Variants in SPAG5 observed in about 807,000 individuals in gnomAD.
SPAG5 encodes sperm associated antigen 5, also known as sperm-associated antigen 5.
A neutral mutation model predicts 145.4 loss-of-function variants in SPAG5; 99 were observed. The ratio of observed to expected loss-of-function variants is 0.68; its 90% CI spans 0.58 to 0.80. The LOEUF is 0.80. Among genes scored for constraint, SPAG5 ranks in the 30% least tolerant of loss-of-function variants. SPAG5 has a pLI of 0.00. For synonymous variants in SPAG5, 477 were observed against 525.4 expected (o/e 0.91, Z 1.26); for missense variants, 1,192 against 1,416.0 (o/e 0.84, Z 2.54).
Position 28,591,831 on chromosome 17 carries a change from T to C in SPAG5, c.1304A>G (p.Glu435Gly). ...DLTALSRHDL[E>G]DNLLSSLVIL... ...GACAAGAGAGCTCAGCAGGTTATCT[T>C]CCAAGTCATGTCGAGACAAGGCAGT... Residue 435 changes from glutamate to glycine, a missense_variant, in exon 4 of 24, where the codon GAA becomes GGA. By Grantham distance (98) the Glu-to-Gly change is moderately conservative (BLOSUM62 -2). Around this residue, in one of 5 missense-constraint regions of SPAG5, gnomAD observed 125 missense variants for 143.8 expected, o/e 0.87. Transcript: ENST00000321765. 6.2e-7 allele frequency: 1 copy of C among 1,614,008 alleles called. No individual in the cohort carries two copies. Among genetic ancestry groups the C allele is most frequent in the Non-Finnish European group, 8.5e-7 (1 of 1,180,008 alleles).
chr17:28,592,998 A>C lies in SPAG5; in HGVS notation c.246T>G (p.His82Gln). The C allele has an allele frequency of 6.2e-7, 1 of 1,614,174 alleles. No individual in the cohort carries two copies. Residue 82 changes from histidine (H) to glutamine (Q), a missense_variant, in exon 3 of 24, where the codon CAT becomes CAG. Physicochemically the swap from His to Gln is conservative, Grantham distance 24 (BLOSUM62 0). Transcript: ENST00000321765. ...NNKRTDLSSE[H>Q]FSHSSKWLET... Reference sequence around the variant, plus strand: ...CTAGCCACTTTGAGGAATGACTGAAATGTTCTGAAGATAAGTCTGTCCTCT... The same window carrying C: ...CTAGCCACTTTGAGGAATGACTGAACTGTTCTGAAGATAAGTCTGTCCTCT...
At chr17:28,578,935 G>A (rs1035285572) in intron 19 of SPAG5, among the ~76,000 whole-genome samples, 183 bp from the exon 20 acceptor site, 1 of 152,192 alleles carries the variant, frequency 6.6e-6, no homozygotes, top group Non-Finnish European at 1.5e-5. Flanking sequence ...AGCTCTGCTA[G>A]AGTTCCTGAC....
intron 15 of SPAG5, 45 bp downstream of exon 15, chr17:28,583,466 T>C (rs1395255519): frequency 2.6e-6 from 4 of 1,520,014 alleles, no homozygotes; most frequent in Non-Finnish European, 3.5e-6. Context: ...ATCTGTAAAA[T>C]AAAGATACAA....
intron 4 of SPAG5, among the ~76,000 whole-genome samples, chr17:28,588,831 A>C (rs2070602230): frequency 6.6e-6 from 1 of 151,404 alleles, no homozygotes; most frequent in Non-Finnish European, 1.5e-5. Flanking sequence ...ACAGGAGTGC[A>C]CTACCATACC....
At chr17:28,594,473 T>C (rs2070646079) in intron 2 of SPAG5, among the ~76,000 whole-genome samples, 1 of 152,128 alleles carries the variant, frequency 6.6e-6, no homozygotes, top group Non-Finnish European at 1.5e-5. Context: ...CGGGCACCTG[T>C]AGTCCCAGCT....
At chr17:28,579,579 C>A in intron 17 of SPAG5, 94 bp from the exon 18 acceptor site, 1 of 1,463,814 alleles carries the variant, frequency 6.8e-7, no homozygotes, top group Non-Finnish European at 9.4e-7. Context: ...TCCGTGTTCC[C>A]CACCCACAGG....
intron 4 of SPAG5, among the ~76,000 whole-genome samples, chr17:28,591,205 CT>C (rs2070618983): frequency 6.6e-6 from 1 of 152,106 alleles, no homozygotes; most frequent in Admixed American, 6.5e-5. Flanking sequence ...TAAAAGTTTC[CT>C]TGCTTGCACT....
chr17:28,583,929 AT>A lies in SPAG5; in HGVS notation c.2469del (p.Gln823HisfsTer2). 6.2e-7 allele frequency: 1 copy of A among 1,614,138 alleles called. No individual in the cohort carries two copies. Among genetic ancestry groups the A allele is most frequent in the Non-Finnish European group, 8.5e-7 (1 of 1,180,024 alleles). On this transcript the variant is annotated frameshift_variant, in exon 14 of 24. Transcript: ENST00000321765. LOFTEE classifies it high-confidence loss of function. ...CGGAGCACTTCCAGTGTGGTTTTCA[AT>A]TGACACTCAACCTGACCCAGCTCCA... ...AHLELGQVEC[Q>X]LKTTLEVLRE...
chr17:28,591,751 G>C lies in SPAG5; in HGVS notation c.1384C>G (p.Pro462Ala). The C allele has an allele frequency of 6.2e-7, 1 of 1,614,150 alleles. No individual in the cohort carries two copies. The highest frequency in any genetic ancestry group is 8.5e-7 in the Non-Finnish European group (1 of 1,180,024). Residue 462 changes from proline to alanine, a missense_variant, in exon 4 of 24, where the codon CCT becomes GCT. Physicochemically the swap from Pro to Ala is conservative, Grantham distance 27. This residue lies in a region of SPAG5 where 8 missense variants were observed against 28.9 expected (regional missense o/e 0.28). Coordinates refer to ENST00000321765, the MANE Select transcript of SPAG5 (RefSeq NM_006461.4). ...LRDWKSQLAV[P>A]HPETQDSSTQ... ...CTACTGTCCTGGGTTTCTGGGTGAG[G>C]GACAGCCAGCTGGCTCTTCCAGTCC...
Position 28,579,800 on chromosome 17 carries a change from G to C in SPAG5, c.2835C>G (p.Asp945Glu). 6.2e-7 allele frequency: 1 copy of C among 1,614,188 alleles called. No individual in the cohort carries two copies. Among genetic ancestry groups the C allele is most frequent in the Middle Eastern group, 1.6e-4 (1 of 6,062 alleles). Residue 945 changes from aspartate (D) to glutamate (E), a missense_variant, in exon 17 of 24, where the codon GAC becomes GAG. Around this residue, in one of 5 missense-constraint regions of SPAG5, gnomAD observed 709 missense variants for 840.7 expected, o/e 0.84. Transcript: ENST00000321765. ...ESTPVPLLGS[D>E]KSAFTRVASM... ...ATGCTACTCGGGTGAAAGCACTCTT[G>C]TCACTTCCAAGCAAGGGCACAGGAG...
At position 28,592,072 on chromosome 17, in the gene SPAG5, G is replaced by A; in HGVS notation, c.1172C>T (p.Ser391Leu). 1.2e-6 allele frequency: 2 copies of A among 1,614,140 alleles called. No individual in the cohort carries two copies. The change falls in exon 3 of 24, where the codon TCA becomes TTA. Residue 391 changes from serine (S) to leucine (L), a missense_variant. Coordinates refer to ENST00000321765, the MANE Select transcript of SPAG5 (RefSeq NM_006461.4). ...GTTTGTACTCTTTTCCTGTGGTGCTGAAGGAGTAAACCAAGTCCCCACCGA... is the reference window on the plus strand; with the variant it reads ...GTTTGTACTCTTTTCCTGTGGTGCTAAAGGAGTAAACCAAGTCCCCACCGA... Reference protein sequence around the residue: ...TCSVGTWFTPSAPQEKSTNTS... With the variant: ...TCSVGTWFTPLAPQEKSTNTS...
At chr17:28,579,538 G>A in intron 17 of SPAG5, 53 bp from the exon 18 acceptor site, 1 of 1,592,104 alleles carries the variant, frequency 6.3e-7, no homozygotes, top group South Asian at 1.1e-5. Context: ...TGGAAGGAAG[G>A]AGTGTATAGC....
At chr17:28,594,328 G>C (rs2070644780) in intron 2 of SPAG5, among the ~76,000 whole-genome samples, 1 of 152,222 alleles carries the variant, frequency 6.6e-6, no homozygotes, top group Admixed American at 6.5e-5. Flanking sequence ...GGGCGCAGTG[G>C]CTCACGCCTG....
chr17:28,596,107 A>T (rs530464297), intron 2 of SPAG5, among the ~76,000 whole-genome samples: 39 of 152,116 alleles, frequency 2.6e-4, no homozygotes, highest in African/African-American at 9.4e-4. Flanking sequence ...TGGGAGGGTG[A>T]GGCAGGAAAA....
At chr17:28,587,963 G>C (rs1241193669) in intron 4 of SPAG5, among the ~76,000 whole-genome samples, 1 of 152,174 alleles carries the variant, frequency 6.6e-6, no homozygotes, top group Non-Finnish European at 1.5e-5. Flanking sequence ...AGTATGCATA[G>C]AGTAAGTAGG....
intron 2 of SPAG5, among the ~76,000 whole-genome samples, chr17:28,597,347 G>T (rs1176036069): frequency 6.6e-6 from 1 of 152,190 alleles, no homozygotes; most frequent in Admixed American, 6.5e-5. Flanking sequence ...GAGCCCTGGA[G>T]GCGGAGATTG....
Position 28,583,590 on chromosome 17 carries a change from T to C in SPAG5, c.2606A>G (p.Gln869Arg), listed in dbSNP as rs917198390. ...CAGCAGCCCTAGCTTTTGAGAGTAC[T>C]GCCGTGTTTTCTCCAGATCTTGCTC... is the stretch of plus-strand genomic sequence containing the variant. ...NQEQDLEKTR[Q>R]YSQKLGLLTE... The change falls in exon 15 of 24, where the codon CAG (glutamine) becomes CGG (arginine). Residue 869 changes from glutamine (Q) to arginine (R), a missense_variant. Transcript: ENST00000321765. 1.9e-6 allele frequency: 3 copies of C among 1,613,748 alleles called. No individual in the cohort carries two copies. The highest frequency in any genetic ancestry group is 2.5e-6 in the Non-Finnish European group (3 of 1,179,942).
At chr17:28,579,335 C>G in intron 18 of SPAG5, 30 bp downstream of exon 18, 1 of 1,613,752 alleles carries the variant, frequency 6.2e-7, no homozygotes, top group Non-Finnish European at 8.5e-7. Context: ...TCTCACTGTC[C>G]CTCTGTCACC....
rs1567622046 is a variant in SPAG5 at position 28,578,085 on chromosome 17, ATTT to A, written c.3432_3434del (p.Arg1144_Asn1145delinsSer). 2 of 1,614,030 alleles carry A rather than the reference ATTT, an allele frequency of 1.2e-6. No homozygotes were observed. Among genetic ancestry groups the A allele is most frequent in the Non-Finnish European group, 1.7e-6 (2 of 1,179,884 alleles). ...AGCGCCGAAGGTTCTCCTCTAGGAT[ATTT>A]CTCTAGAAAGCAAACAGATTTTATA... is the stretch of plus-strand genomic sequence containing the variant. On this transcript the variant is annotated inframe_deletion and splice_region_variant, in exon 23 of 24. Coordinates refer to ENST00000321765, the MANE Select transcript of SPAG5 (RefSeq NM_006461.4).
Sources: gnomAD v4.1 joint callset for allele counts (sites outside exome capture counted in the v4.1 genomes callset) on GRCh38, gnomAD v4.1.1 for gene constraint, gnomAD v4.1.1 regional missense constraint, MANE v1.5 for transcripts, NCBI Gene and HGNC (gene_info 2026-07-23, HGNC 2026-07-21) for gene names.